The following SNX30 variants were observed in gnomAD, a reference collection of about 807,000 sequenced individuals.
SNX30 encodes the protein sorting nexin family member 30, also known as sorting nexin-30.
In SNX30, 24 loss-of-function variants were observed where a neutral mutation model predicts 46.4. The observed-to-expected ratio is 0.52, with a 90% confidence interval of 0.37 to 0.73. SNX30 has a LOEUF of 0.73. SNX30 is among the 30% of genes least tolerant of loss of function. SNX30 has a pLI of 0.00. For synonymous variants in SNX30, 189 were observed against 211.5 expected, an observed-to-expected ratio of 0.89 and a Z score of 0.92; for missense variants, 533 against 555.7, an observed-to-expected ratio of 0.96 and a Z score of 0.41.
intron 7 of SNX30, 37 bp from the exon 8 acceptor site, chr9:112,864,210 T>C: frequency 9.3e-6 from 15 of 1,610,250 alleles, no homozygotes; most frequent in East Asian, 2.2e-5. Context: ...ATGCCAGTTT[T>C]GTGTGCAGGG....
chr9:112,798,173 A>G (rs1398251120), intron 1 of SNX30, among the ~76,000 whole-genome samples: 21 of 85,022 alleles, frequency 2.5e-4, no homozygotes, highest in African/African-American at 9.7e-4. Context: ...ACATGTGCAC[A>G]TTGTGCAGGT....
chr9:112,794,025 A>T (rs1020640181), intron 1 of SNX30, among the ~76,000 whole-genome samples: 1 of 152,172 alleles, frequency 6.6e-6, no homozygotes, highest in African/African-American at 2.4e-5. Context: ...TTGTATCATG[A>T]ACATCTTTGA....
At chr9:112,766,446 A>T (rs1423726722) in intron 1 of SNX30, among the ~76,000 whole-genome samples, 1 of 152,218 alleles carries the variant, frequency 6.6e-6, no homozygotes, top group African/African-American at 2.4e-5. Context: ...TTTAGATATG[A>T]ATGTACAATA....
intron 1 of SNX30, among the ~76,000 whole-genome samples, chr9:112,774,844 CTT>C (rs1279442088): frequency 1.2e-4 from 15 of 128,742 alleles, no homozygotes; most frequent in East Asian, 2.2e-4. Context: ...TATTTATATG[CTT>C]TTTTTTTTTT....
intron 3 of SNX30, among the ~76,000 whole-genome samples, chr9:112,828,824 C>T (rs891899731): frequency 6.6e-6 from 1 of 152,210 alleles, no homozygotes; most frequent in East Asian, 1.9e-4. Context: ...CAAATACATT[C>T]ACAATGTTGT....
intron 3 of SNX30, among the ~76,000 whole-genome samples, chr9:112,823,892 GT>G (rs1840542702): frequency 1.3e-5 from 2 of 152,086 alleles, no homozygotes; most frequent in African/African-American, 4.8e-5. Flanking sequence ...GGTGATTATT[GT>G]TTTTAATCTC....
chr9:112,883,700 CTTT>C (rs71384287), downstream of SNX30, among the ~76,000 whole-genome samples: 16 of 121,328 alleles, frequency 1.3e-4, no homozygotes, highest in Admixed American at 1.7e-4. Context: ...TTTTTCTTTT[CTTT>C]TTTTTTTTTT....
At chr9:112,866,421 G>A (rs545810434) in intron 8 of SNX30, 5 of 470,508 alleles carry the variant, frequency 1.1e-5, no homozygotes, top group African/African-American at 1.0e-4. Flanking sequence ...GAAAGAGTTT[G>A]GTACATTTGA....
intron 4 of SNX30, among the ~76,000 whole-genome samples, chr9:112,833,946 T>C (rs1840709701): frequency 6.6e-6 from 1 of 152,134 alleles, no homozygotes; most frequent in Non-Finnish European, 1.5e-5. Context: ...TGCTGCTGTT[T>C]TTAAGATGGG....
intron 1 of SNX30, among the ~76,000 whole-genome samples, chr9:112,768,208 G>A (rs1050401146): frequency 3.3e-5 from 5 of 152,160 alleles, no homozygotes; most frequent in African/African-American, 1.2e-4. Flanking sequence ...TCTCTGCCAA[G>A]TGATTTTCCT....
chr9:112,814,206 C>A (rs924766823), intron 2 of SNX30, among the ~76,000 whole-genome samples: 1 of 152,136 alleles, frequency 6.6e-6, no homozygotes, highest in African/African-American at 2.4e-5. Context: ...AAAGAACTTA[C>A]ACAAATGAAA....
At chr9:112,808,110 A>G (rs753610129) in intron 2 of SNX30, among the ~76,000 whole-genome samples, 2 of 152,132 alleles carry the variant, frequency 1.3e-5, no homozygotes, top group South Asian at 2.1e-4. Context: ...AGTTGTATTG[A>G]CGGATATCGT....
At chr9:112,757,937 C>T (rs566940317) in intron 1 of SNX30, among the ~76,000 whole-genome samples, 10 of 152,286 alleles carry the variant, frequency 6.6e-5, no homozygotes, top group African/African-American at 2.4e-4. Context: ...ACAGCTGGGG[C>T]TTCAGTGGTC....
At chr9:112,789,811 C>A (rs1277561518) in intron 1 of SNX30, among the ~76,000 whole-genome samples, 1 of 152,086 alleles carries the variant, frequency 6.6e-6, no homozygotes, top group African/African-American at 2.4e-5. Flanking sequence ...TTGCATCAGG[C>A]CAATGGGTAG....
intron 3 of SNX30, among the ~76,000 whole-genome samples, chr9:112,830,267 A>C (rs910074649): frequency 2.0e-5 from 3 of 152,182 alleles, no homozygotes; most frequent in East Asian, 3.8e-4. Context: ...TACCTAATTT[A>C]TTCATTCACC....
chr9:112,852,497 C>T lies in SNX30; in HGVS notation c.1101+1552C>T, dbSNP rs550048803. On this transcript the variant is annotated intron_variant, in intron 7 of 8. Coordinates refer to ENST00000374232, the MANE Select transcript of SNX30 (RefSeq NM_001012994.2). ...AGTCCTGGAACTGATCCCCACCCCA[C>T]CCCACCAGATAGCGAGGCGACAACT... 4.3e-4 allele frequency among the ~76,000 whole-genome samples: 66 copies of T among 152,248 alleles called. No individual in the cohort carries two copies. In the South Asian group the frequency reaches 5.2e-3, roughly 12 times the overall value.
chr9:112,861,891 T>C (rs1841241686), intron 7 of SNX30, among the ~76,000 whole-genome samples: 1 of 152,144 alleles, frequency 6.6e-6, no homozygotes, highest in African/African-American at 2.4e-5. Flanking sequence ...CCCTCCATCC[T>C]CCTCAGCGTG....
downstream of SNX30, chr9:112,879,748 G>C (rs1198255864): frequency 6.2e-7 from 1 of 1,610,052 alleles, no homozygotes. Context: ...TTCAGTTCCT[G>C]CAGGTAAGCA....
chr9:112,792,941 G>T (rs1268936534), intron 1 of SNX30, among the ~76,000 whole-genome samples: 1 of 148,380 alleles, frequency 6.7e-6, no homozygotes, highest in African/African-American at 2.5e-5. Context: ...AAAGGGTTCT[G>T]TTTTATGGGC....
Sources: allele counts gnomAD v4.1 joint callset (sites outside exome capture counted in the v4.1 genomes callset), GRCh38; gene constraint gnomAD v4.1.1; transcripts MANE v1.5; gene names NCBI Gene and HGNC (gene_info 2026-07-23, HGNC 2026-07-21).